Variants in MTMR3 observed in about 807,000 individuals in gnomAD.
The protein encoded by MTMR3 is myotubularin related protein 3.
In MTMR3, 32 loss-of-function variants were observed where a neutral mutation model predicts 132.4. The observed-to-expected ratio is 0.24, with a 90% CI of 0.18 to 0.32. The LOEUF (loss-of-function observed/expected upper bound fraction) is 0.32. Among genes scored for constraint, MTMR3 ranks in the 10% least tolerant of loss-of-function variants. The pLI, the probability that MTMR3 is intolerant of heterozygous loss-of-function variation, is 1.00. For missense variants in MTMR3, 1,216 were observed against 1,489.6 expected (o/e 0.82, Z 3.02); for synonymous variants, 556 against 550.3 (o/e 1.01, Z -0.14).
At chr22:29,963,666 G>T (rs2066358397) in intron 2 of MTMR3, among the ~76,000 whole-genome samples, 1 of 151,924 alleles carries the variant, frequency 6.6e-6, no homozygotes, top group African/African-American at 2.4e-5. Context: ...GATTACAGGT[G>T]TGAGCCACTG....
intron 18 of MTMR3, 37 bp from the exon 19 acceptor site, chr22:30,022,572 A>T (rs1274490377): frequency 6.3e-7 from 1 of 1,584,074 alleles, no homozygotes; most frequent in Admixed American, 1.7e-5. Context: ...TGGATGGCCC[A>T]TCTCCTGTCA....
intron 1 of MTMR3, among the ~76,000 whole-genome samples, chr22:29,916,606 T>C (rs1157486869): frequency 6.6e-6 from 1 of 152,226 alleles, no homozygotes; most frequent in Non-Finnish European, 1.5e-5. Flanking sequence ...TTCATGTATC[T>C]TGTCCAGTTT....
chr22:29,913,927 A>G (rs2065262084), intron 1 of MTMR3, among the ~76,000 whole-genome samples: 2 of 151,832 alleles, frequency 1.3e-5, no homozygotes, highest in African/African-American at 4.8e-5. Context: ...AATTTTTTGT[A>G]TTTTTAGTAG....
intron 3 of MTMR3, among the ~76,000 whole-genome samples, chr22:29,976,733 G>A (rs772523209): frequency 2.6e-5 from 4 of 152,106 alleles, no homozygotes; most frequent in Non-Finnish European, 4.4e-5. Flanking sequence ...TTTTGACCTC[G>A]CAGGGCCCCT....
chr22:30,027,239 G>A lies in MTMR3; in HGVS notation c.*1438G>A, dbSNP rs184198794. ...AACTGGTGACAGGGTGGATCATGGTGAGGACTAGGGGTAAGGTCAGGGAAT... is the reference window on the plus strand; with the variant it reads ...AACTGGTGACAGGGTGGATCATGGTAAGGACTAGGGGTAAGGTCAGGGAAT... On this transcript the variant is annotated 3_prime_UTR_variant, in exon 20 of 20. Coordinates refer to ENST00000401950, the MANE Select transcript of MTMR3 (RefSeq NM_021090.4). 1.3e-5 allele frequency: 2 copies of A among 152,966 alleles called. No homozygotes were observed. Among genetic ancestry groups the A allele is most frequent in the African/African-American group, 2.4e-5 (1 of 41,584 alleles). The allele number at this position is 152,966 out of a possible 1,614,324, so 9.5% of individuals were successfully genotyped here.
intron 8 of MTMR3, chr22:30,001,485 C>T (rs2067174041): frequency 6.6e-6 from 1 of 152,226 alleles, no homozygotes; most frequent in Admixed American, 6.6e-5. Context: ...CCCAGGAGGT[C>T]GAGGCTGCTG....
At chr22:29,967,398 AT>A (rs111456917) in intron 2 of MTMR3, among the ~76,000 whole-genome samples, 129 of 141,892 alleles carry the variant, frequency 9.1e-4, no homozygotes, top group Non-Finnish European at 1.0e-3. Flanking sequence ...CAACCACCTA[AT>A]TTTTTTTTTT....
intron 1 of MTMR3, among the ~76,000 whole-genome samples, chr22:29,955,507 A>G (rs1158749266): frequency 6.6e-6 from 1 of 152,178 alleles, no homozygotes; most frequent in Non-Finnish European, 1.5e-5. Context: ...TGGTCTTCAT[A>G]CTAAATACTT....
rs535584839 is a variant in MTMR3, at chr22:29,914,477, AAT to A, written c.-138+31121_-138+31122del. On this transcript the variant is annotated intron_variant, in intron 1 of 19. Transcript: ENST00000401950. ...TATTGTGAGTTCATAATGTATTCTG[AAT>A]ATGAGTCCTTCATAACAGGTTTTGT... Among the ~76,000 whole-genome samples the A allele has an allele frequency of 1.3e-3, 198 of 152,344 alleles. 1 individual carries two copies. The highest frequency in any genetic ancestry group is 4.6e-3 in the African/African-American group (191 of 41,576).
In MTMR3 at chr22:29,978,536, T is replaced by C; in HGVS notation, c.93+5T>C. 6.2e-7 allele frequency: 1 copy of C among 1,608,260 alleles called. No individual in the cohort carries two copies. The highest frequency in any genetic ancestry group is 8.5e-7 in the Non-Finnish European group (1 of 1,175,026). Reference sequence around the variant, plus strand: ...CGGGAGGATGAGAATCTTCAGGTAATTATAGGCCACTTTTAAATGTAAAAT... The same window carrying C: ...CGGGAGGATGAGAATCTTCAGGTAACTATAGGCCACTTTTAAATGTAAAAT... On this transcript the variant is annotated splice_donor_5th_base_variant and intron_variant, in intron 4 of 19. Transcript: ENST00000401950.
intron 6 of MTMR3, chr22:29,990,831 G>T (rs1423375499): frequency 2.0e-5 from 3 of 152,168 alleles, no homozygotes; most frequent in Non-Finnish European, 4.4e-5. Flanking sequence ...TGATCTGCCC[G>T]TCTTGGCCTC....
chr22:30,020,467 CAG>C lies in MTMR3; in HGVS notation c.2809_2810del (p.Arg937GlyfsTer9). On this transcript the variant is annotated frameshift_variant, in exon 17 of 20. Transcript: ENST00000401950. LOFTEE classifies it high-confidence loss of function. ...GCAATGGTGCCCCAGAGACTGAAAA[CAG>C]GGCCTCAGAGCAGCCCCCAGGTCTT... ...VCNGAPETEN[R>X]ASEQPPGLST... 2 of 1,614,144 alleles carry C rather than the reference CAG, an allele frequency of 1.2e-6. No homozygotes were observed. The highest frequency in any genetic ancestry group is 1.7e-6 in the Non-Finnish European group (2 of 1,180,030).
intron 1 of MTMR3, among the ~76,000 whole-genome samples, chr22:29,938,979 G>C (rs1042481523): frequency 6.6e-6 from 1 of 151,836 alleles, no homozygotes; most frequent in African/African-American, 2.4e-5. Flanking sequence ...CCGCCACCAC[G>C]CCCGGCTAAT....
intron 5 of MTMR3, chr22:29,987,188 C>G (rs2066876268): frequency 6.6e-6 from 1 of 152,268 alleles, no homozygotes; most frequent in South Asian, 2.1e-4. Context: ...GCTTTCTTCT[C>G]TTCTTTAACC....
At chr22:30,009,272 A>G (rs1365829418) in intron 12 of MTMR3, 143 bp downstream of exon 12, 4 of 630,710 alleles carry the variant, frequency 6.3e-6, no homozygotes, top group Non-Finnish European at 1.1e-5. Context: ...TTCAGTTACC[A>G]GACCAGTCTC....
chr22:29,954,622 C>T (rs1259944282), intron 1 of MTMR3, among the ~76,000 whole-genome samples: 1 of 152,232 alleles, frequency 6.6e-6, no homozygotes, highest in Non-Finnish European at 1.5e-5. Flanking sequence ...TACACAAACA[C>T]TTCTGTATTA....
chr22:29,889,284 C>CTTTTTT (rs71324792), intron 1 of MTMR3, among the ~76,000 whole-genome samples: 1 of 116,410 alleles, frequency 8.6e-6, no homozygotes, highest in Non-Finnish European at 1.8e-5. Flanking sequence ...AGCTACGGAA[C>CTTTTTT]TTTTTTTTTT....
chr22:29,971,085 A>AG, intron 3 of MTMR3, 23 bp downstream of exon 3: 1 of 1,055,216 alleles, frequency 9.5e-7, no homozygotes, highest in South Asian at 2.0e-5. Flanking sequence ...AAATAAGAGT[A>AG]AAAAAAAAAA....
At chr22:29,953,712 T>A (rs1453001112) in intron 1 of MTMR3, among the ~76,000 whole-genome samples, 1 of 152,200 alleles carries the variant, frequency 6.6e-6, no homozygotes, top group East Asian at 1.9e-4. Flanking sequence ...GGTGAAAGTT[T>A]TACCCTCTTA....
Sources: gnomAD v4.1 joint callset for allele counts (sites outside exome capture counted in the v4.1 genomes callset) on GRCh38, gnomAD v4.1.1 for gene constraint, MANE v1.5 for transcripts, NCBI Gene and HGNC (gene_info 2026-07-23, HGNC 2026-07-21) for gene names.